Variants in EMCN observed in about 807,000 individuals in gnomAD.
EMCN encodes MUC-14.
EMCN carries 37 observed loss-of-function variants against 38.4 expected under a neutral mutation model. The observed-to-expected ratio is 0.96, with a 90% CI of 0.74 to 1.27. EMCN has a LOEUF of 1.27. Among genes scored for constraint, EMCN ranks in the 50% most tolerant of loss-of-function variants. The pLI, the probability that EMCN is intolerant of heterozygous loss-of-function variation, is 0.00. For synonymous variants in EMCN, 95 were observed against 100.8 expected, an observed-to-expected ratio of 0.94 and a Z score of 0.35; for missense variants, 318 against 302.8, an observed-to-expected ratio of 1.05 and a Z score of -0.37.
At chr4:100,497,567 C>T (rs566981110) in intron 1 of EMCN, among the ~76,000 whole-genome samples, 1 of 152,022 alleles carries the variant, frequency 6.6e-6, no homozygotes, top group East Asian at 1.9e-4. Flanking sequence ...TTAGTAAAGC[C>T]GGGTTTCACC....
At chr4:100,450,299 C>A (rs866141939) in intron 4 of EMCN, among the ~76,000 whole-genome samples, 2 of 151,882 alleles carry the variant, frequency 1.3e-5, no homozygotes, top group Non-Finnish European at 2.9e-5. Context: ...AAATTGAAGT[C>A]TTATGAAATG....
intron 11 of EMCN, among the ~76,000 whole-genome samples, chr4:100,401,142 T>C (rs1726246700): frequency 6.6e-6 from 1 of 152,138 alleles, no homozygotes; most frequent in Non-Finnish European, 1.5e-5. Context: ...GAACCCAGTG[T>C]AGAGCATTAT....
intron 4 of EMCN, among the ~76,000 whole-genome samples, chr4:100,451,254 T>TA (rs1453703552): frequency 4.0e-5 from 6 of 151,832 alleles, no homozygotes; most frequent in South Asian, 2.1e-4. Context: ...AGAAAAACAC[T>TA]AAAAAAATAA....
At chr4:100,404,262 T>C (rs1726335912) in intron 11 of EMCN, among the ~76,000 whole-genome samples, 1 of 152,170 alleles carries the variant, frequency 6.6e-6, no homozygotes, top group Non-Finnish European at 1.5e-5. Flanking sequence ...AGTTTTAATC[T>C]TCTGCCTATG....
intron 11 of EMCN, among the ~76,000 whole-genome samples, chr4:100,400,616 G>C (rs1726231607): frequency 6.6e-6 from 1 of 152,162 alleles, no homozygotes; most frequent in Non-Finnish European, 1.5e-5. Flanking sequence ...GCCACTTTTT[G>C]TTCAACTGAG....
intron 5 of EMCN, among the ~76,000 whole-genome samples, chr4:100,428,880 G>A (rs1727124073): frequency 6.6e-6 from 1 of 152,116 alleles, no homozygotes; most frequent in Admixed American, 6.6e-5. Flanking sequence ...TAGGGAAGGT[G>A]AGAAGCATAT....
chr4:100,485,003 T>G (rs561588189), intron 1 of EMCN, among the ~76,000 whole-genome samples: 2 of 152,130 alleles, frequency 1.3e-5, no homozygotes, highest in Non-Finnish European at 2.9e-5. Flanking sequence ...TACTTGCCAG[T>G]GTGCTCCATA....
At chr4:100,473,156 A>G (rs966129217) in intron 3 of EMCN, among the ~76,000 whole-genome samples, 2 of 149,800 alleles carry the variant, frequency 1.3e-5, no homozygotes, top group Non-Finnish European at 3.0e-5. Context: ...CTGGGATTAC[A>G]GATGCGTGCC....
chr4:100,468,743 A>G (rs1219255401), intron 3 of EMCN, among the ~76,000 whole-genome samples: 1 of 152,076 alleles, frequency 6.6e-6, no homozygotes, highest in Non-Finnish European at 1.5e-5. Context: ...AAAACTGAAG[A>G]ATTCACAAAT....
At chr4:100,455,714 A>T (rs1006914714) in intron 4 of EMCN, among the ~76,000 whole-genome samples, 5 of 151,760 alleles carry the variant, frequency 3.3e-5, no homozygotes, top group African/African-American at 1.2e-4. Flanking sequence ...AGTTTTCTTC[A>T]ACTTGGGGCT....
intron 3 of EMCN, among the ~76,000 whole-genome samples, chr4:100,470,713 A>G (rs915854500): frequency 6.6e-6 from 1 of 152,048 alleles, no homozygotes; most frequent in African/African-American, 2.4e-5. Flanking sequence ...ATAAAAAAGA[A>G]TGAGATCATG....
chr4:100,425,149 G>GCACACACACACACACACACACA lies in EMCN; in HGVS notation c.416-1767_416-1746dup, dbSNP rs57293882. On this transcript the variant is annotated intron_variant, in intron 5 of 11. Coordinates refer to ENST00000296420, the MANE Select transcript of EMCN (RefSeq NM_016242.4). ...AGTTAAGAAATTATTTCTGAATCCA[G>GCACACACACACACACACACACA]CACACACACACACACACACACACAC... Among the ~76,000 whole-genome samples the GCACACACACACACACACACACA allele has an allele frequency of 3.0e-4, 42 of 141,242 alleles. 2 individuals are homozygous for GCACACACACACACACACACACA. The highest frequency in any genetic ancestry group is 9.7e-4 in the South Asian group (4 of 4,124). The allele number at this position is 141,242 out of a possible 152,430, so 92.7% of individuals were successfully genotyped here. A position where few individuals can be genotyped will look rare whatever the true frequency, so the allele number is the denominator to read the frequency against.
intron 8 of EMCN, among the ~76,000 whole-genome samples, chr4:100,418,023 C>T (rs904008950): frequency 6.6e-6 from 1 of 152,014 alleles, no homozygotes; most frequent in Non-Finnish European, 1.5e-5. Flanking sequence ...TTTATAAAGA[C>T]CTTAACTTCC....
At chr4:100,430,557 TG>T (rs1727168571) in intron 5 of EMCN, among the ~76,000 whole-genome samples, 1 of 152,174 alleles carries the variant, frequency 6.6e-6, no homozygotes, top group Non-Finnish European at 1.5e-5. Context: ...TAGAGTTCAT[TG>T]GAGAACCATA....
At chr4:100,399,342 T>C (rs778815999) in intron 11 of EMCN, among the ~76,000 whole-genome samples, 3 of 151,956 alleles carry the variant, frequency 2.0e-5, no homozygotes, top group Non-Finnish European at 4.4e-5. Flanking sequence ...GAGCATGATA[T>C]GGTGTGTGTG....
chr4:100,477,684 A>G (rs1417995150), intron 2 of EMCN, among the ~76,000 whole-genome samples: 1 of 152,248 alleles, frequency 6.6e-6, no homozygotes, highest in African/African-American at 2.4e-5. Flanking sequence ...AAATGAAAAC[A>G]AAGATGCTTT....
intron 1 of EMCN, among the ~76,000 whole-genome samples, chr4:100,499,503 T>C (rs931273994): frequency 1.3e-5 from 2 of 152,248 alleles, no homozygotes; most frequent in Non-Finnish European, 2.9e-5. Flanking sequence ...CTGCCCTGAA[T>C]TAGATGGGAT....
chr4:100,402,833 T>C (rs912844224), intron 11 of EMCN, among the ~76,000 whole-genome samples: 3 of 152,136 alleles, frequency 2.0e-5, no homozygotes, highest in Non-Finnish European at 4.4e-5. Context: ...TTCTTTTTTT[T>C]CCAACTGCAG....
intron 4 of EMCN, among the ~76,000 whole-genome samples, chr4:100,463,062 C>T (rs1016455016): frequency 2.0e-4 from 31 of 152,140 alleles, no homozygotes; most frequent in Non-Finnish European, 2.8e-4. Flanking sequence ...ATATTCCTAA[C>T]TCTTCCAGTC....
Sources: allele counts gnomAD v4.1 joint callset (sites outside exome capture counted in the v4.1 genomes callset), GRCh38; gene constraint gnomAD v4.1.1; transcripts MANE v1.5; gene names NCBI Gene and HGNC (gene_info 2026-07-23, HGNC 2026-07-21).